HDGFL3: variants seen among roughly 807,000 people sequenced by gnomAD.
HDGFL3 encodes HDGF like 3, also known as hepatoma-derived growth factor-related protein 3.
A neutral mutation model predicts 27.6 loss-of-function variants in HDGFL3; 6 were observed. The ratio of observed to expected loss-of-function variants is 0.22; its 90% CI spans 0.12 to 0.43. The LOEUF is 0.43. Among genes scored for constraint, HDGFL3 ranks in the 20% least tolerant of loss-of-function variants. The pLI, the probability that HDGFL3 is intolerant of heterozygous loss-of-function variation, is 1.00. For missense variants in HDGFL3, 207 were observed against 250.1 expected (o/e 0.83, Z 1.16); for synonymous variants, 88 against 88.9 (o/e 0.99, Z 0.05).
chr15:83,191,485 C>T (rs1286852480), intron 1 of HDGFL3, among the ~76,000 whole-genome samples: 2 of 152,138 alleles, frequency 1.3e-5, no homozygotes, highest in East Asian at 1.9e-4. Flanking sequence ...CCATACTAAT[C>T]CAAAGATATA....
At chr15:83,189,339 T>G (rs2037483020) in intron 1 of HDGFL3, 2 of 152,396 alleles carry the variant, frequency 1.3e-5, no homozygotes, top group African/African-American at 4.8e-5. Context: ...AGGCCTTACA[T>G]GATATGGCTT....
At chr15:83,155,518 T>C (rs2037016935) in intron 4 of HDGFL3, among the ~76,000 whole-genome samples, 1 of 152,182 alleles carries the variant, frequency 6.6e-6, no homozygotes, top group African/African-American at 2.4e-5. Context: ...TAAAAGAAAT[T>C]CAGCTTAAAA....
At chr15:83,180,729 T>G (rs1049867308) in intron 1 of HDGFL3, 13 of 141,486 alleles carry the variant, frequency 9.2e-5, no homozygotes, top group African/African-American at 3.5e-4. Flanking sequence ...CACTGCAACC[T>G]CTACTTCCCA....
At chr15:83,206,124 A>T (rs184298520) in intron 1 of HDGFL3, among the ~76,000 whole-genome samples, 3 of 152,322 alleles carry the variant, frequency 2.0e-5, no homozygotes, top group African/African-American at 7.2e-5. Context: ...ATCATGCCAA[A>T]CCAAATATTT....
At chr15:83,126,800 T>C, downstream of HDGFL3, 1 of 1,614,102 alleles carries the variant, frequency 6.2e-7, no homozygotes, top group Non-Finnish European at 8.5e-7. Context: ...ATATACGCAA[T>C]TTCAAGAGCC....
At chr15:83,163,764 G>A in intron 2 of HDGFL3, 1 of 488,200 alleles carries the variant, frequency 2.0e-6, no homozygotes, top group South Asian at 2.3e-5. Context: ...TGTGGGTGAT[G>A]ACCAACATTT....
chr15:83,199,384 T>A (rs1014159318), intron 1 of HDGFL3, among the ~76,000 whole-genome samples: 10 of 152,198 alleles, frequency 6.6e-5, no homozygotes. Flanking sequence ...CCTGTCTACA[T>A]CATAAAAAAT....
intron 1 of HDGFL3, among the ~76,000 whole-genome samples, chr15:83,188,839 C>A (rs897635868): frequency 1.3e-5 from 2 of 152,118 alleles, no homozygotes; most frequent in African/African-American, 2.4e-5. Flanking sequence ...CCAGACCTCT[C>A]ATATGAGCTT....
At chr15:83,144,769 C>A (rs1671479272) in intron 5 of HDGFL3, 2 of 342,846 alleles carry the variant, frequency 5.8e-6, no homozygotes, top group Non-Finnish European at 1.2e-5. Flanking sequence ...GCAAGAGACC[C>A]AGAGCCAGAG....
Position 83,157,941 on chromosome 15 carries a change from T to C in HDGFL3, c.262A>G (p.Ile88Val), listed in dbSNP as rs2037054239. ...RKGFNEGLWE[I>V]ENNPGVKFTG... Reference sequence around the variant, plus strand: ...AACTTTACTCCTGGGTTATTTTCTATTTCCCACAATCCTTCGTTAAATCCT... The same window carrying C: ...AACTTTACTCCTGGGTTATTTTCTACTTCCCACAATCCTTCGTTAAATCCT... The change falls in exon 3 of 6, where the codon ATA becomes GTA. Residue 88 changes from isoleucine to valine, a missense_variant. Physicochemically the swap from Ile to Val is conservative, Grantham distance 29 (BLOSUM62 3). Transcript: ENST00000299633. 7.4e-6 allele frequency: 12 copies of C among 1,612,746 alleles called. No homozygotes were observed. Among genetic ancestry groups the C allele is most frequent in the Non-Finnish European group, 1.0e-5 (12 of 1,179,502 alleles).
intron 2 of HDGFL3, among the ~76,000 whole-genome samples, chr15:83,161,041 T>C (rs561985657): frequency 6.6e-6 from 1 of 152,302 alleles, no homozygotes; most frequent in African/African-American, 2.4e-5. Flanking sequence ...CTGAACACAA[T>C]AAATGGACTT....
At position 83,134,934 on chromosome 15, in the gene HDGFL3, C is replaced by T. The variant is rs760376649; in HGVS notation, c.*4336G>A. 6.6e-6 allele frequency: 1 copy of T among 152,186 alleles called. No homozygotes were observed. Among genetic ancestry groups the T allele is most frequent in the Non-Finnish European group, 1.5e-5 (1 of 68,042 alleles). The allele number at this position is 152,186 out of a possible 1,614,324, so 9.4% of individuals were successfully genotyped here. On this transcript the variant is annotated 3_prime_UTR_variant, in exon 6 of 6. Transcript: ENST00000299633. ...CTCCTCAGGGCAGCCCTGAAAGTGC[C>T]CTTTACTCTCAAGGCATTTTGTCCT...
At chr15:83,205,587 G>C (rs910425088) in intron 1 of HDGFL3, among the ~76,000 whole-genome samples, 2 of 152,242 alleles carry the variant, frequency 1.3e-5, no homozygotes, top group African/African-American at 4.8e-5. Context: ...GAAATTTTAA[G>C]TCTATTTTCT....
chr15:83,165,587 G>A (rs2037159806), intron 1 of HDGFL3, among the ~76,000 whole-genome samples: 1 of 152,006 alleles, frequency 6.6e-6, no homozygotes, highest in Non-Finnish European at 1.5e-5. Flanking sequence ...AAAGCCACAT[G>A]ACATGGCTGT....
chr15:83,207,810 C>A lies in HDGFL3; in HGVS notation c.-396G>T. ...GCGAGCGCCGGGCCTCGCGTCTGCTCCGAATTCCTTCTCGGGCAGCGACCG... is the reference window on the plus strand; with the variant it reads ...GCGAGCGCCGGGCCTCGCGTCTGCTACGAATTCCTTCTCGGGCAGCGACCG... On this transcript the variant is annotated 5_prime_UTR_variant, in exon 1 of 6. Transcript: ENST00000299633. The surrounding 1 kb of genome is among the most constrained non-coding windows in gnomAD (Gnocchi z 4.8). The A allele has an allele frequency of 6.6e-6, 1 of 150,746 alleles. No individual in the cohort carries two copies. Among genetic ancestry groups the A allele is most frequent in the South Asian group, 2.0e-4 (1 of 5,100 alleles). 9.3% of individuals were successfully genotyped at this position (150,746 alleles called of 1,614,324 possible). A position where few individuals can be genotyped will look rare whatever the true frequency, so the allele number is the denominator to read the frequency against.
At chr15:83,141,592 CTTTT>C (rs559221644) in intron 5 of HDGFL3, among the ~76,000 whole-genome samples, 2 of 150,870 alleles carry the variant, frequency 1.3e-5, no homozygotes, top group South Asian at 4.2e-4. Context: ...TATTTAAAGA[CTTTT>C]TTTTTAGAGA....
At position 83,136,467 on chromosome 15, in the gene HDGFL3, T is replaced by TG; in HGVS notation, c.*2802_*2803insC. On this transcript the variant is annotated 3_prime_UTR_variant, in exon 6 of 6. Coordinates refer to ENST00000299633, the MANE Select transcript of HDGFL3 (RefSeq NM_016073.4). ...TTTCATGCTTACTCAATTTTTTTTTTTTAAATGCAACAGGCTCAGTTTTCT... is the reference window on the plus strand; with the variant it reads ...TTTCATGCTTACTCAATTTTTTTTTTGTTAAATGCAACAGGCTCAGTTTTCT... 6.4e-7 allele frequency: 1 copy of TG among 1,568,250 alleles called. No individual in the cohort carries two copies. Among genetic ancestry groups the TG allele is most frequent in the Non-Finnish European group, 8.6e-7 (1 of 1,163,822 alleles).
rs553320040 is a variant in HDGFL3, at chr15:83,135,827, C to T, written c.*3443G>A. The T allele has an allele frequency of 2.0e-5, 3 of 152,282 alleles. No homozygotes were observed. In the South Asian group the frequency reaches 6.2e-4, roughly 32 times the overall value. 9.4% of individuals were successfully genotyped at this position (152,282 alleles called of 1,614,324 possible). On this transcript the variant is annotated 3_prime_UTR_variant, in exon 6 of 6. Transcript: ENST00000299633. ...TTTACAAAGAGCAACCGTACTCCTACCTCCACCCAAGTTGGTAACAACCTT... is the reference window on the plus strand; with the variant it reads ...TTTACAAAGAGCAACCGTACTCCTATCTCCACCCAAGTTGGTAACAACCTT...
At chr15:83,119,312 C>T (rs1001375744) in intron 3 of HDGFL3, among the ~76,000 whole-genome samples, 4 of 152,226 alleles carry the variant, frequency 2.6e-5, no homozygotes, top group African/African-American at 7.2e-5. Context: ...CATCTGCCTT[C>T]GCATCACAGT....
Sources: allele counts gnomAD v4.1 joint callset (sites outside exome capture counted in the v4.1 genomes callset), GRCh38; gene constraint gnomAD v4.1.1; non-coding constraint Gnocchi (gnomAD v3.1); transcripts MANE v1.5; gene names NCBI Gene and HGNC (gene_info 2026-07-23, HGNC 2026-07-21).